Variants in RARB observed in about 807,000 individuals in gnomAD.
The protein encoded by RARB is retinoic acid receptor beta.
A neutral mutation model predicts 51.9 loss-of-function variants in RARB; 17 were observed. The observed-to-expected ratio is 0.33, with a 90% CI of 0.22 to 0.49. The LOEUF is 0.49. RARB is among the 20% of genes least tolerant of loss of function. The pLI is 0.99. For missense variants in RARB, 369 were observed against 550.8 expected (o/e 0.67, Z 3.30); for synonymous variants, 215 against 195.4 (o/e 1.10, Z -0.84).
intron 1 of RARB, among the ~76,000 whole-genome samples, chr3:25,447,270 C>T (rs1028464487): frequency 2.6e-5 from 4 of 151,828 alleles, no homozygotes; most frequent in African/African-American, 9.7e-5. Flanking sequence ...ATGTACTGGA[C>T]ACTCTTTTAG....
At chr3:25,000,244 A>T (rs1559428515) in intron 2 of RARB, among the ~76,000 whole-genome samples, 1 of 152,132 alleles carries the variant, frequency 6.6e-6, no homozygotes, top group Non-Finnish European at 1.5e-5. Context: ...TTACTTCCAG[A>T]ATGCAAATTT....
intron 5 of RARB, among the ~76,000 whole-genome samples, chr3:25,386,929 C>A (rs1235146453): frequency 6.6e-6 from 1 of 152,172 alleles, no homozygotes; most frequent in Non-Finnish European, 1.5e-5. Context: ...ATTCTGTGGG[C>A]GTAGGCAATT....
At chr3:25,329,053 A>G (rs1704811913) in intron 5 of RARB, among the ~76,000 whole-genome samples, 1 of 152,230 alleles carries the variant, frequency 6.6e-6, no homozygotes, top group Non-Finnish European at 1.5e-5. Flanking sequence ...AACCCACTGC[A>G]GCTCAAGGAG....
chr3:25,084,606 G>A (rs1239492770), intron 3 of RARB, among the ~76,000 whole-genome samples: 1 of 151,854 alleles, frequency 6.6e-6, no homozygotes, highest in Non-Finnish European at 1.5e-5. Context: ...TTTGGAAGGG[G>A]GTTCTATGAA....
chr3:25,385,338 C>A (rs1282077938), intron 5 of RARB, among the ~76,000 whole-genome samples: 2 of 152,138 alleles, frequency 1.3e-5, no homozygotes, highest in African/African-American at 4.8e-5. Flanking sequence ...TCTCTGGATC[C>A]TTCAAGGGTT....
intron 1 of RARB, among the ~76,000 whole-genome samples, chr3:24,850,891 G>A (rs558921865): frequency 6.6e-6 from 1 of 152,308 alleles, no homozygotes; most frequent in East Asian, 1.9e-4. Flanking sequence ...AACTACATCA[G>A]CAGATATGCT....
chr3:25,505,372 G>T (rs757036065), intron 3 of RARB, among the ~76,000 whole-genome samples: 17 of 152,052 alleles, frequency 1.1e-4, no homozygotes, highest in Non-Finnish European at 2.2e-4. Context: ...TATTGCCAGT[G>T]GTTAATAAAA....
intron 5 of RARB, among the ~76,000 whole-genome samples, chr3:25,361,888 T>C (rs7638495): frequency 0.83 from 126,141 of 152,094 alleles, 52,564 homozygotes; most frequent in East Asian, 0.99. Flanking sequence ...ATATGCCAGC[T>C]GGAGGTGTCC....
intron 5 of RARB, among the ~76,000 whole-genome samples, chr3:25,408,470 G>A (rs1351781): frequency 0.81 from 122,738 of 151,948 alleles, 49,791 homozygotes; most frequent in East Asian, 1. Flanking sequence ...AGAACAGTAA[G>A]GGGGAAATCC....
At chr3:25,215,836 C>T (rs1419543701) in intron 5 of RARB, among the ~76,000 whole-genome samples, 1 of 152,194 alleles carries the variant, frequency 6.6e-6, no homozygotes, top group East Asian at 1.9e-4. Flanking sequence ...AATGGAGCCA[C>T]ACTCTGTGAT....
intron 2 of RARB, among the ~76,000 whole-genome samples, chr3:24,860,489 C>T (rs370347775): frequency 3.0e-4 from 45 of 152,208 alleles, no homozygotes; most frequent in African/African-American, 9.6e-4. Context: ...TTCAAACACA[C>T]GGCAAGAGTT....
chr3:25,392,801 G>T (rs1250539746), intron 5 of RARB, among the ~76,000 whole-genome samples: 2 of 151,862 alleles, frequency 1.3e-5, no homozygotes, highest in African/African-American at 4.8e-5. Flanking sequence ...GAGTCTTTAG[G>T]GTTTTCTAGG....
intron 5 of RARB, among the ~76,000 whole-genome samples, chr3:25,236,843 A>G (rs942699511): frequency 1.3e-5 from 2 of 151,844 alleles, no homozygotes; most frequent in African/African-American, 4.8e-5. Context: ...AGTATTATTT[A>G]TCTGGAAGAT....
chr3:25,186,638 A>G (rs192975447), intron 5 of RARB, among the ~76,000 whole-genome samples: 6 of 152,250 alleles, frequency 3.9e-5, no homozygotes, highest in African/African-American at 1.4e-4. Flanking sequence ...GATCATAGAA[A>G]GATAATGAAT....
intron 5 of RARB, among the ~76,000 whole-genome samples, chr3:25,391,662 T>C (rs1336135000): frequency 6.6e-6 from 1 of 152,204 alleles, no homozygotes; most frequent in Non-Finnish European, 1.5e-5. Flanking sequence ...CATTTTTTCA[T>C]ATGTTTGTTG....
rs386396163 is a variant in RARB at position 24,912,975 on chromosome 3, C to CTTTTTTTTT, written c.-380+54237_-380+54245dup. Among the ~76,000 whole-genome samples the CTTTTTTTTT allele has an allele frequency of 1.5e-3, 109 of 75,040 alleles. 9 individuals carry two copies. Among genetic ancestry groups the CTTTTTTTTT allele is most frequent in the African/African-American group, 1.9e-3 (42 of 22,258 alleles). The allele number at this position is 75,040 out of a possible 152,430, so 49.2% of individuals were successfully genotyped here. ...GCAATACGCACACAAGGTACTGATT[C>CTTTTTTTTT]TTTTTTTTTTTTTTTTTTTTTTGGA... On this transcript the variant is annotated intron_variant, in intron 2 of 11. Coordinates refer to the RARB transcript ENST00000383772.
At chr3:25,286,326 G>C (rs1241511836) in intron 5 of RARB, among the ~76,000 whole-genome samples, 3 of 152,026 alleles carry the variant, frequency 2.0e-5, no homozygotes, top group South Asian at 2.1e-4. Context: ...CTGACCTCGT[G>C]ATCCACCCGC....
intron 3 of RARB, among the ~76,000 whole-genome samples, chr3:25,540,896 G>GATTTAC (rs1559458401): frequency 2.6e-5 from 4 of 151,582 alleles, no homozygotes; most frequent in Non-Finnish European, 2.9e-5. Flanking sequence ...CTTAATGGCT[G>GATTTAC]TCATGACCCA....
At chr3:24,968,263 T>G (rs1696320793) in intron 2 of RARB, among the ~76,000 whole-genome samples, 1 of 152,112 alleles carries the variant, frequency 6.6e-6, no homozygotes, top group Non-Finnish European at 1.5e-5. Context: ...TATCTCTACC[T>G]CATAAATCAG....
Sources: gnomAD v4.1 joint callset for allele counts (sites outside exome capture counted in the v4.1 genomes callset) on GRCh38, gnomAD v4.1.1 for gene constraint, MANE v1.5 for transcripts, NCBI Gene and HGNC (gene_info 2026-07-23, HGNC 2026-07-21) for gene names.